TMEM117: variants seen among roughly 807,000 people sequenced by gnomAD.
The protein encoded by TMEM117 is transmembrane protein 117.
A neutral mutation model predicts 52.4 loss-of-function variants in TMEM117; 27 were observed. That is an observed-to-expected ratio of 0.51 (90% confidence interval 0.38 to 0.71). The LOEUF (loss-of-function observed/expected upper bound fraction) is 0.71. TMEM117 is among the 30% of genes least tolerant of loss of function. The pLI, the probability that TMEM117 is intolerant of heterozygous loss-of-function variation, is 0.00. For missense variants in TMEM117, 556 were observed against 630.5 expected, an observed-to-expected ratio of 0.88 and a Z score of 1.26; for synonymous variants, 215 against 206.3, an observed-to-expected ratio of 1.04 and a Z score of -0.36.
chr12:43,887,233 G>GA (rs1944013837), intron 2 of TMEM117, among the ~76,000 whole-genome samples: 1 of 152,142 alleles, frequency 6.6e-6, no homozygotes, highest in African/African-American at 2.4e-5. Context: ...AGTACTGCCT[G>GA]GGACAAAGCT....
At chr12:44,254,814 C>A (rs920796620) in intron 5 of TMEM117, among the ~76,000 whole-genome samples, 1 of 152,064 alleles carries the variant, frequency 6.6e-6, no homozygotes, top group Non-Finnish European at 1.5e-5. Context: ...CCCTCTCCCC[C>A]CACCCCACAA....
intron 3 of TMEM117, among the ~76,000 whole-genome samples, chr12:44,037,488 C>G (rs908981819): frequency 6.6e-6 from 1 of 152,156 alleles, no homozygotes; most frequent in Non-Finnish European, 1.5e-5. Flanking sequence ...CACTGACAAC[C>G]TCCTGTCATT....
chr12:43,806,267 G>A, the TMEM117 span: 1 of 1,519,038 alleles, frequency 6.6e-7, no homozygotes, highest in East Asian at 2.7e-5. Flanking sequence ...CTAGCTCCCG[G>A]CTCCGGCGCT....
At chr12:44,135,257 T>G (rs1032886) in intron 3 of TMEM117, among the ~76,000 whole-genome samples, 41,209 of 152,114 alleles carry the variant, frequency 0.27, 10,097 homozygotes, top group African/African-American at 0.66. Flanking sequence ...ATGGCAGGAA[T>G]AAATTACTAG....
chr12:44,222,139 C>T (rs1431306357), intron 5 of TMEM117, among the ~76,000 whole-genome samples: 1 of 152,124 alleles, frequency 6.6e-6, no homozygotes, highest in Non-Finnish European at 1.5e-5. Context: ...GTCCAGCTTC[C>T]TGTTTGATCT....
the TMEM117 span, among the ~76,000 whole-genome samples, chr12:43,829,905 T>C: frequency 1.3e-5 from 2 of 151,800 alleles, no homozygotes; most frequent in Admixed American, 6.6e-5. Context: ...CTGACCAACA[T>C]GGTGAAACCC....
At chr12:44,001,845 T>C (rs1177551099) in intron 3 of TMEM117, among the ~76,000 whole-genome samples, 2 of 152,124 alleles carry the variant, frequency 1.3e-5, no homozygotes, top group Non-Finnish European at 2.9e-5. Context: ...GAAAAATTAC[T>C]GAATATTTGG....
At chr12:43,987,026 C>T (rs186637089) in intron 3 of TMEM117, among the ~76,000 whole-genome samples, 32 of 152,234 alleles carry the variant, frequency 2.1e-4, no homozygotes, top group African/African-American at 7.7e-4. Flanking sequence ...GAAGCCCCAG[C>T]CCCCAGTATC....
chr12:43,818,355 C>T, the TMEM117 span, among the ~76,000 whole-genome samples: 2 of 151,596 alleles, frequency 1.3e-5, no homozygotes, highest in African/African-American at 4.8e-5. Context: ...TATAAACAAT[C>T]TGCTCCCCCC....
intron 4 of TMEM117, among the ~76,000 whole-genome samples, chr12:44,203,848 G>A (rs915253795): frequency 3.3e-5 from 5 of 152,074 alleles, no homozygotes; most frequent in Non-Finnish European, 7.4e-5. Flanking sequence ...TGAATTTGTT[G>A]AGAATAGCTT....
At chr12:43,924,445 G>A (rs1191098312) in intron 2 of TMEM117, among the ~76,000 whole-genome samples, 1 of 152,116 alleles carries the variant, frequency 6.6e-6, no homozygotes, top group African/African-American at 2.4e-5. Context: ...GTGAATTACA[G>A]TAGAGATAAA....
At chr12:44,152,825 G>A (rs1459076848) in intron 4 of TMEM117, among the ~76,000 whole-genome samples, 2 of 140,444 alleles carry the variant, frequency 1.4e-5, no homozygotes, top group South Asian at 4.3e-4. Context: ...TGAATATAAT[G>A]TATATATTGT....
chr12:43,981,384 A>AT (rs1406382973), intron 3 of TMEM117, among the ~76,000 whole-genome samples: 1 of 152,222 alleles, frequency 6.6e-6, no homozygotes, highest in Non-Finnish European at 1.5e-5. Context: ...CTTAATCTGT[A>AT]TAGTGCTGGA....
chr12:43,898,847 G>A (rs1328770205), intron 2 of TMEM117, among the ~76,000 whole-genome samples: 1 of 152,164 alleles, frequency 6.6e-6, no homozygotes, highest in African/African-American at 2.4e-5. Context: ...AGTAGGATTG[G>A]CTCTGAGACA....
intron 3 of TMEM117, among the ~76,000 whole-genome samples, chr12:44,013,601 T>A (rs943720996): frequency 6.6e-6 from 1 of 152,124 alleles, no homozygotes; most frequent in African/African-American, 2.4e-5. Flanking sequence ...TCTCTGATAG[T>A]CGCTGTGAGG....
chr12:43,831,238 C>T (rs544958482), upstream of TMEM117, among the ~76,000 whole-genome samples: 3 of 152,228 alleles, frequency 2.0e-5, no homozygotes, highest in Non-Finnish European at 4.4e-5. Flanking sequence ...AGCATCATCC[C>T]GACTGACCTA....
In TMEM117 at chr12:43,864,289, C is replaced by T. The variant is rs191657492; in HGVS notation, c.277+19361C>T. On this transcript the variant is annotated intron_variant, in intron 2 of 7. Transcript: ENST00000266534. ...CCAAGGGCTGAGGAGTGCAGGCACA[C>T]TGCGCAGGGACTGGCAGGCAGCTCT... Among the ~76,000 whole-genome samples the T allele has an allele frequency of 2.3e-3, 348 of 152,376 alleles. 2 individuals are homozygous for T. The highest frequency in any genetic ancestry group is 7.7e-3 in the African/African-American group (319 of 41,592).
At chr12:44,225,930 G>T (rs181640104) in intron 5 of TMEM117, among the ~76,000 whole-genome samples, 2 of 152,226 alleles carry the variant, frequency 1.3e-5, no homozygotes, top group Admixed American at 1.3e-4. Context: ...ACTTGTAACA[G>T]CCCTGTGAGA....
At chr12:44,373,799 T>G (rs1951899275) in intron 6 of TMEM117, among the ~76,000 whole-genome samples, 1 of 98,816 alleles carries the variant, frequency 1.0e-5, no homozygotes, top group Non-Finnish European at 2.0e-5. Flanking sequence ...TTTTTTTTTT[T>G]GAGATGGAGT....
Sources: allele counts gnomAD v4.1 joint callset (sites outside exome capture counted in the v4.1 genomes callset), GRCh38; gene constraint gnomAD v4.1.1; transcripts MANE v1.5; gene names NCBI Gene and HGNC (gene_info 2026-07-23, HGNC 2026-07-21).